The following OVOL2 variants were observed in gnomAD, a reference collection of about 807,000 sequenced individuals.
The protein encoded by OVOL2 is ovo like zinc finger 2.
In OVOL2, 13 loss-of-function variants were observed where a neutral mutation model predicts 18.1. The ratio of observed to expected loss-of-function variants is 0.72; its 90% CI spans 0.47 to 1.14. The LOEUF (loss-of-function observed/expected upper bound fraction) is 1.14. OVOL2 is among the 50% of genes most tolerant of loss of function. The probability of loss-of-function intolerance (pLI) is 0.00; values close to 1 mark genes in which losing one functional copy is unlikely to be tolerated. For missense variants in OVOL2, 335 were observed against 383.0 expected (o/e 0.87, Z 1.05); for synonymous variants, 166 against 162.7 (o/e 1.02, Z -0.16).
In OVOL2 at chr20:18,041,574, G is replaced by A. The variant is rs553869449; in HGVS notation, c.471C>T (p.Asn157=). 1.2e-5 allele frequency: 19 copies of A among 1,614,058 alleles called. No homozygotes were observed. The highest frequency in any genetic ancestry group is 8.3e-5 in the Admixed American group (5 of 60,016). ...HLCTFCGKGF[N]DTFDLKRHVR... is the part of the protein sequence containing the mutation. Reference sequence around the variant, plus strand: ...CGTGCCTCTTCAGGTCGAAGGTGTCGTTGAAGCCCTTGCCGCAGAAGGTGC... The same window carrying A: ...CGTGCCTCTTCAGGTCGAAGGTGTCATTGAAGCCCTTGCCGCAGAAGGTGC... The change falls in exon 3 of 4, where the codon AAC becomes AAT. Residue 157 remains asparagine, a synonymous_variant. Transcript: ENST00000278780.
intron 3 of OVOL2, among the ~76,000 whole-genome samples, chr20:18,027,870 C>T (rs143304319): frequency 0.13 from 20,520 of 152,164 alleles, 1,544 homozygotes; most frequent in East Asian, 0.32. Flanking sequence ...ACTGGGATTA[C>T]AGGCGTGAGC....
intron 2 of OVOL2, among the ~76,000 whole-genome samples, chr20:18,041,998 C>T (rs796795537): frequency 1.8e-4 from 28 of 151,626 alleles, no homozygotes; most frequent in African/African-American, 6.0e-4. Context: ...GTAACCTCCA[C>T]CTCTTGGGTT....
intron 2 of OVOL2, among the ~76,000 whole-genome samples, chr20:18,051,214 G>A (rs1226743558): frequency 1.3e-5 from 2 of 151,658 alleles, no homozygotes; most frequent in Non-Finnish European, 2.9e-5. Context: ...TGTCTCAAAA[G>A]GAAAAATAAA....
chr20:18,034,626 T>TTCTCTCTC (rs11466923), intron 3 of OVOL2, among the ~76,000 whole-genome samples: 12,902 of 137,438 alleles, frequency 0.094, 656 homozygotes, highest in Middle Eastern at 0.12. Flanking sequence ...CTTCCCCTCT[T>TTCTCTCTC]TCTCTCTCTC....
At chr20:18,054,766 C>G (rs932531420) in intron 2 of OVOL2, among the ~76,000 whole-genome samples, 1 of 63,478 alleles carries the variant, frequency 1.6e-5, no homozygotes, top group African/African-American at 7.1e-5. Flanking sequence ...AACTCCATCT[C>G]AAAAAAAAAA....
At chr20:18,054,634 C>T (rs891949611) in intron 2 of OVOL2, among the ~76,000 whole-genome samples, 9 of 151,670 alleles carry the variant, frequency 5.9e-5, no homozygotes, top group South Asian at 2.1e-4. Context: ...CCCAGCTGCT[C>T]GGAAGGCTGA....
chr20:18,048,292 GA>G (rs764268805), intron 2 of OVOL2, among the ~76,000 whole-genome samples: 5 of 150,428 alleles, frequency 3.3e-5, no homozygotes, highest in Admixed American at 1.3e-4. Flanking sequence ...CTCAAAAGAA[GA>G]AAAAAAAATT....
At chr20:18,039,872 T>C (rs144511076) in intron 3 of OVOL2, among the ~76,000 whole-genome samples, 1,742 of 152,196 alleles carry the variant, frequency 0.011, 21 homozygotes, top group South Asian at 0.036. Flanking sequence ...GTGTCTTCCC[T>C]TCCCTACCAA....
chr20:18,047,620 A>G (rs1163580099), intron 2 of OVOL2, among the ~76,000 whole-genome samples: 1 of 139,716 alleles, frequency 7.2e-6, no homozygotes, highest in Non-Finnish European at 1.6e-5. Context: ...TTGGGAGGCC[A>G]AGGCCGGTGG....
Position 18,032,198 on chromosome 20 carries a change from A to T in OVOL2, c.512-7246T>A, listed in dbSNP as rs2036575833. 2.0e-5 allele frequency among the ~76,000 whole-genome samples: 3 copies of T among 152,000 alleles called. No homozygotes were observed. The South Asian group carries it at 6.2e-4, about 32-fold the overall frequency. ...TGGTAGGATTGCCTGAAATGAAAGA[A>T]AGGAAAGAAGGAAGGAAAGAAGAAA... is the stretch of plus-strand genomic sequence containing the variant. On this transcript the variant is annotated intron_variant, in intron 3 of 3. Transcript: ENST00000278780.
intron 3 of OVOL2, among the ~76,000 whole-genome samples, chr20:18,034,764 T>C (rs1429275632): frequency 3.3e-5 from 5 of 152,150 alleles, no homozygotes; most frequent in African/African-American, 9.7e-5. Context: ...GTAAGACATC[T>C]TCAGGTTCTA....
intron 2 of OVOL2, among the ~76,000 whole-genome samples, chr20:18,045,446 T>G (rs1451018916): frequency 6.6e-6 from 1 of 152,198 alleles, no homozygotes; most frequent in African/African-American, 2.4e-5. Context: ...CAAATTCCTA[T>G]TTTTAAAATG....
intron 2 of OVOL2, among the ~76,000 whole-genome samples, chr20:18,043,566 T>C (rs2036696659): frequency 6.6e-6 from 1 of 152,170 alleles, no homozygotes; most frequent in African/African-American, 2.4e-5. Context: ...ACCAGCTGAA[T>C]GAGTCGCCCC....
At position 18,057,022 on chromosome 20, in the gene OVOL2, G is replaced by A; in HGVS notation, c.101-145C>T. The A allele has an allele frequency of 1.1e-6, 1 of 939,110 alleles. No homozygotes were observed. Among genetic ancestry groups the A allele is most frequent in the Non-Finnish European group, 1.5e-6 (1 of 683,504 alleles). The allele number at this position is 939,110 out of a possible 1,614,324, so 58.2% of individuals were successfully genotyped here. A position where few individuals can be genotyped will look rare whatever the true frequency, so the allele number is the denominator to read the frequency against. On this transcript the variant is annotated intron_variant, in intron 1 of 3. Transcript: ENST00000278780. The surrounding 1 kb of genome is among the most constrained non-coding windows in gnomAD (Gnocchi z 6.3). ...GTGGGCAACGTCGCGGGGGAGGCCAGTAAGCCCCGAATCGGCCCACAGAGC... is the reference window on the plus strand; with the variant it reads ...GTGGGCAACGTCGCGGGGGAGGCCAATAAGCCCCGAATCGGCCCACAGAGC...
chr20:18,028,960 C>G (rs929868474), intron 3 of OVOL2, among the ~76,000 whole-genome samples: 31 of 152,094 alleles, frequency 2.0e-4, no homozygotes, highest in African/African-American at 6.5e-4. Flanking sequence ...CTCTCCTTCC[C>G]TAGTCCTAAC....
chr20:18,037,253 A>G (rs2036624490), intron 3 of OVOL2, among the ~76,000 whole-genome samples: 1 of 152,180 alleles, frequency 6.6e-6, no homozygotes, highest in Non-Finnish European at 1.5e-5. Context: ...GAGACCCTAC[A>G]GAGGATAAAA....
intron 3 of OVOL2, among the ~76,000 whole-genome samples, chr20:18,033,231 C>A (rs1197511236): frequency 6.6e-6 from 1 of 152,186 alleles, no homozygotes; most frequent in Non-Finnish European, 1.5e-5. Context: ...TGAATGTAGG[C>A]CCCGATGGAA....
chr20:18,056,895 G>T lies in OVOL2; in HGVS notation c.101-18C>A. On this transcript the variant is annotated intron_variant, in intron 1 of 3. Coordinates refer to ENST00000278780, the MANE Select transcript of OVOL2 (RefSeq NM_021220.4). The surrounding 1 kb of genome is among the most constrained non-coding windows in gnomAD (Gnocchi z 4.2). ...TAGGCCCACTGTGGAGGGAGGGGCCGCGCCCCGACACACACACTCGGCGTC... is the reference window on the plus strand; with the variant it reads ...TAGGCCCACTGTGGAGGGAGGGGCCTCGCCCCGACACACACACTCGGCGTC... 1 of 1,476,594 alleles carries T rather than the reference G, an allele frequency of 6.8e-7. No individual in the cohort carries two copies. The highest frequency in any genetic ancestry group is 8.9e-7 in the Non-Finnish European group (1 of 1,121,778). 91.5% of individuals were successfully genotyped at this position (1,476,594 alleles called of 1,614,324 possible).
intron 2 of OVOL2, among the ~76,000 whole-genome samples, chr20:18,052,899 A>G (rs1600452601): frequency 6.6e-6 from 1 of 152,204 alleles, no homozygotes; most frequent in African/African-American, 2.4e-5. Flanking sequence ...GGTGATTAGT[A>G]TTTCCTGGGT....
Sources: gnomAD v4.1 joint callset for allele counts (sites outside exome capture counted in the v4.1 genomes callset) on GRCh38, gnomAD v4.1.1 for gene constraint, Gnocchi (gnomAD v3.1) non-coding constraint, MANE v1.5 for transcripts, NCBI Gene and HGNC (gene_info 2026-07-23, HGNC 2026-07-21) for gene names.